The following NAV3 variants were observed in gnomAD, a reference collection of about 807,000 sequenced individuals.
The protein encoded by NAV3 is neuron navigator 3, also known as pore membrane and/or filament interacting like protein 1.
In NAV3, 87 loss-of-function variants were observed where a neutral mutation model predicts 244.7. The observed-to-expected ratio is 0.36, with a 90% confidence interval of 0.30 to 0.42. The LOEUF (loss-of-function observed/expected upper bound fraction) is 0.42. NAV3 is among the 20% of genes least tolerant of loss of function. NAV3 has a pLI of 1.00. For synonymous variants in NAV3, 1,126 were observed against 1,042.2 expected (o/e 1.08, Z -1.55); for missense variants, 2,663 against 2,893.3 (o/e 0.92, Z 1.83).
chr12:77,739,233 A>G (rs10777389), intron 2 of NAV3, among the ~76,000 whole-genome samples: 75,274 of 151,878 alleles, frequency 0.5, 20,509 homozygotes, highest in East Asian at 0.85. Flanking sequence ...TACATCTTAT[A>G]TAGTATATAA....
intron 2 of NAV3, 135 bp downstream of exon 2, chr12:77,940,571 TA>T (rs1889771889): frequency 1.5e-6 from 1 of 683,548 alleles, no homozygotes; most frequent in Non-Finnish European, 2.5e-6. Flanking sequence ...CTGATTTAAT[TA>T]AAATGTTTAT....
At chr12:77,870,909 T>C (rs1357929738) in intron 1 of NAV3, among the ~76,000 whole-genome samples, 1 of 152,216 alleles carries the variant, frequency 6.6e-6, no homozygotes, top group East Asian at 1.9e-4. Flanking sequence ...CAAGGACTTG[T>C]TCTATCCTTA....
chr12:77,701,043 G>T (rs1381719739), intron 2 of NAV3, among the ~76,000 whole-genome samples: 3 of 151,668 alleles, frequency 2.0e-5, no homozygotes, highest in Non-Finnish European at 4.4e-5. Flanking sequence ...TTGCATGTGA[G>T]GTTTGGTATC....
intron 39 of NAV3, among the ~76,000 whole-genome samples, chr12:78,207,283 G>A (rs960278168): frequency 6.6e-6 from 1 of 152,058 alleles, no homozygotes; most frequent in Non-Finnish European, 1.5e-5. Context: ...TTTTGAATCT[G>A]AATGAGGATG....
intron 1 of NAV3, among the ~76,000 whole-genome samples, chr12:77,884,010 G>A (rs1409840217): frequency 3.3e-5 from 5 of 152,110 alleles, no homozygotes; most frequent in Non-Finnish European, 7.4e-5. Flanking sequence ...TAACCTCTTT[G>A]TGAGGTATAG....
rs376739816 is a variant in NAV3 at position 78,014,918 on chromosome 12, G to A, written c.1908-6829G>A. ...TATTGAATGCTTGGCTTGCAAGCTC[G>A]TCTTTTGCTAGGTTTGATATGTATC... On this transcript the variant is annotated intron_variant, in intron 8 of 39. Transcript: ENST00000397909. Among the ~76,000 whole-genome samples, 13 of 152,172 alleles carry A rather than the reference G, an allele frequency of 8.5e-5. No individual in the cohort carries two copies. In the East Asian group the frequency reaches 1.4e-3, roughly 16 times the overall value.
chr12:77,862,739 A>G (rs1172851141), intron 1 of NAV3, among the ~76,000 whole-genome samples: 1 of 151,808 alleles, frequency 6.6e-6, no homozygotes, highest in African/African-American at 2.4e-5. Context: ...CGGTGGTGAT[A>G]TGTGACCTTC....
chr12:77,614,000 A>G (rs1871040999), intron 2 of NAV3, among the ~76,000 whole-genome samples: 1 of 149,306 alleles, frequency 6.7e-6, no homozygotes, highest in Admixed American at 6.7e-5. Context: ...TTCAACACAT[A>G]TGGATGTGGG....
At position 77,851,887 on chromosome 12, in the gene NAV3, G is replaced by A. The variant is rs149763093; in HGVS notation, c.243+20183G>A. 1.8e-3 allele frequency among the ~76,000 whole-genome samples: 281 copies of A among 152,258 alleles called. 2 individuals carry two copies. The highest frequency in any genetic ancestry group is 3.4e-3 in the Middle Eastern group (1 of 294). On this transcript the variant is annotated intron_variant, in intron 1 of 39. Coordinates refer to ENST00000397909, the MANE Select transcript of NAV3 (RefSeq NM_001024383.2). ...TAGTACTTGCCAGATGCCGTTAGAG[G>A]TGCTTTAAATGCATTCTCATTTAGT...
intron 2 of NAV3, among the ~76,000 whole-genome samples, chr12:77,761,145 G>A (rs937820118): frequency 6.6e-6 from 1 of 152,032 alleles, no homozygotes; most frequent in Non-Finnish European, 1.5e-5. Context: ...TGCAACCTCC[G>A]CCTCCCACGT....
intron 2 of NAV3, among the ~76,000 whole-genome samples, chr12:77,578,384 T>C (rs1022722167): frequency 2.6e-5 from 4 of 152,154 alleles, no homozygotes; most frequent in African/African-American, 9.7e-5. Flanking sequence ...TTACTCACCA[T>C]TGTGATGTGT....
At chr12:77,607,993 C>T (rs1870749113) in intron 2 of NAV3, among the ~76,000 whole-genome samples, 1 of 152,076 alleles carries the variant, frequency 6.6e-6, no homozygotes, top group Admixed American at 6.6e-5. Context: ...GAAAGTGTAA[C>T]TTCTTTTTGC....
rs139221731 is a variant in NAV3, at chr12:77,654,771, C to T, written c.72+82505C>T. On this transcript the variant is annotated intron_variant, in intron 2 of 8. Transcript: ENST00000550042. The stretch of plus-strand genomic sequence containing the variant: ...CTCTGAGACAAAACTTCCAGAGGAA[C>T]GATCAGACAGCAGCATATTCGCGGT... 1.6e-3 allele frequency among the ~76,000 whole-genome samples: 239 copies of T among 147,724 alleles called. 1 individual carries two copies. The highest frequency in any genetic ancestry group is 6.0e-3 in the African/African-American group (229 of 38,400).
In NAV3 at chr12:78,051,166, C is replaced by T. The variant is rs375325776; in HGVS notation, c.2516+19C>T. 1.2e-4 allele frequency: 195 copies of T among 1,585,858 alleles called. No homozygotes were observed. Among genetic ancestry groups the T allele is most frequent in the Middle Eastern group, 1.8e-4 (1 of 5,560 alleles). The stretch of plus-strand genomic sequence containing the variant: ...ACAGTGGGTAAGTAACCCTGTTCTC[C>T]GTCAGCATTGTGTGAAGAGGGGAGG... On this transcript the variant is annotated intron_variant, in intron 11 of 39. Coordinates refer to ENST00000397909, the MANE Select transcript of NAV3 (RefSeq NM_001024383.2).
Position 77,831,753 on chromosome 12 carries a change from T to TTAGTG in NAV3, c.243+49_243+50insTAGTG, listed in dbSNP as rs761227514. The TTAGTG allele has an allele frequency of 7.8e-6, 12 of 1,535,686 alleles. No individual in the cohort carries two copies. In the African/African-American group the frequency reaches 1.7e-4, roughly 21 times the overall value. ...GACTTGTGTAGCTAAAATGCACATT[T>TTAGTG]CTCTTTAAGTGCACTATAAAACATG... On this transcript the variant is annotated intron_variant, in intron 1 of 39. Coordinates refer to ENST00000397909, the MANE Select transcript of NAV3 (RefSeq NM_001024383.2).
intron 2 of NAV3, among the ~76,000 whole-genome samples, chr12:77,599,105 T>G (rs1395301879): frequency 1.3e-5 from 2 of 151,962 alleles, no homozygotes; most frequent in Non-Finnish European, 2.9e-5. Flanking sequence ...CTCATGTGAG[T>G]GGAATCAAGT....
In NAV3 at chr12:78,007,146, A is replaced by G; in HGVS notation, c.1608A>G (p.Thr536=). The G allele has an allele frequency of 6.2e-7, 1 of 1,614,152 alleles. No homozygotes were observed. The change falls in exon 8 of 40, where the codon ACA becomes ACG. Residue 536 remains threonine (T), a synonymous_variant. Transcript: ENST00000397909. ...GIPKPGSKVP[T]VKQTISPGST... ...CAAAACCAGGCTCTAAAGTTCCAAC[A>G]GTAAAGCAAACCATTTCACCTGGCA... is the stretch of plus-strand genomic sequence containing the variant.
At chr12:77,865,921 TA>T (rs938072946) in intron 1 of NAV3, among the ~76,000 whole-genome samples, 2 of 143,028 alleles carry the variant, frequency 1.4e-5, no homozygotes, top group Non-Finnish European at 1.5e-5. Context: ...AACATACTTT[TA>T]AAAAAATGCA....
At position 77,625,208 on chromosome 12, in the gene NAV3, A is replaced by G. The variant is rs574634528; in HGVS notation, c.72+52942A>G. Among the ~76,000 whole-genome samples the G allele has an allele frequency of 3.3e-5, 5 of 152,280 alleles. No homozygotes were observed. The South Asian group carries it at 8.3e-4, about 25-fold the overall frequency. On this transcript the variant is annotated intron_variant, in intron 2 of 8. Coordinates refer to the NAV3 transcript ENST00000550042. ...AATAAATGAGGTTCAGTATCTCTAC[A>G]TATGTTTAATGGTCACTTTTATTTT...
Sources: allele counts gnomAD v4.1 joint callset (sites outside exome capture counted in the v4.1 genomes callset), GRCh38; gene constraint gnomAD v4.1.1; transcripts MANE v1.5; gene names NCBI Gene and HGNC (gene_info 2026-07-23, HGNC 2026-07-21).